HPSE2: variants seen among roughly 807,000 people sequenced by gnomAD.
HPSE2 encodes heparanase 2 (inactive), also known as inactive heparanase-2.
A neutral mutation model predicts 60.5 loss-of-function variants in HPSE2; 38 were observed. That is an observed-to-expected ratio of 0.63 (90% CI 0.48 to 0.82). The LOEUF (loss-of-function observed/expected upper bound fraction) is 0.82. Among genes scored for constraint, HPSE2 ranks in the 40% least tolerant of loss-of-function variants. The probability of loss-of-function intolerance (pLI) is 0.00; values close to 1 mark genes in which losing one functional copy is unlikely to be tolerated. For missense variants in HPSE2, 713 were observed against 740.4 expected (o/e 0.96, Z 0.43); for synonymous variants, 295 against 293.2 (o/e 1.01, Z -0.06).
At chr10:99,218,477 G>A (rs747119570) in intron 2 of HPSE2, among the ~76,000 whole-genome samples, 6 of 151,860 alleles carry the variant, frequency 4.0e-5, no homozygotes, top group African/African-American at 9.7e-5. Context: ...GTTTTCAATC[G>A]TTCTGTTCCA....
At chr10:98,934,039 C>G (rs76483648) in intron 3 of HPSE2, among the ~76,000 whole-genome samples, 1 of 143,328 alleles carries the variant, frequency 7.0e-6, no homozygotes, top group East Asian at 2.0e-4. Flanking sequence ...GCACCTTCTT[C>G]GTCTTTTTTT....
chr10:98,632,969 G>C (rs1201516994), intron 7 of HPSE2, among the ~76,000 whole-genome samples: 3 of 151,986 alleles, frequency 2.0e-5, no homozygotes, highest in Non-Finnish European at 4.4e-5. Flanking sequence ...ATTTACGTCA[G>C]TGGAAGTTAC....
intron 11 of HPSE2, among the ~76,000 whole-genome samples, chr10:98,472,374 C>G (rs896460775): frequency 6.6e-6 from 1 of 152,124 alleles, no homozygotes; most frequent in Admixed American, 6.6e-5. Context: ...ATTCGGTGCT[C>G]TCAGCCTCTG....
chr10:99,257,827 C>T, the HPSE2 span, among the ~76,000 whole-genome samples: 30 of 152,156 alleles, frequency 2.0e-4, no homozygotes, highest in Middle Eastern at 0.014. Context: ...CGGAACCTGC[C>T]GACATGTGAT....
At chr10:99,253,698 A>G in the HPSE2 span, among the ~76,000 whole-genome samples, 1 of 152,196 alleles carries the variant, frequency 6.6e-6, no homozygotes, top group Non-Finnish European at 1.5e-5. Flanking sequence ...AAATATTCAC[A>G]AACTACTCAC....
the HPSE2 span, among the ~76,000 whole-genome samples, chr10:99,260,324 C>T: frequency 1.4e-4 from 22 of 152,050 alleles, no homozygotes; most frequent in East Asian, 7.7e-4. Context: ...CACAGATGCG[C>T]GTGACATTTG....
chr10:98,547,326 A>ACCCATG (rs1943715892), intron 9 of HPSE2, among the ~76,000 whole-genome samples: 1 of 145,552 alleles, frequency 6.9e-6, no homozygotes, highest in South Asian at 2.3e-4. Context: ...AAGGACTATA[A>ACCCATG]ATCATGCTGC....
At chr10:98,926,785 T>C (rs1365117301) in intron 3 of HPSE2, among the ~76,000 whole-genome samples, 2 of 152,196 alleles carry the variant, frequency 1.3e-5, no homozygotes, top group Non-Finnish European at 2.9e-5. Context: ...TCCTTATTTT[T>C]CCCATGCCAG....
chr10:98,496,813 AG>A (rs1941855162), intron 9 of HPSE2, among the ~76,000 whole-genome samples: 1 of 152,170 alleles, frequency 6.6e-6, no homozygotes, highest in African/African-American at 2.4e-5. Context: ...ACAATCCTTT[AG>A]TTGTATACAG....
chr10:99,162,264 A>G (rs533311265), intron 2 of HPSE2, among the ~76,000 whole-genome samples: 1 of 152,368 alleles, frequency 6.6e-6, no homozygotes, highest in Non-Finnish European at 1.5e-5. Context: ...ACAGAGCTAC[A>G]GAGTTTTCTC....
intron 9 of HPSE2, among the ~76,000 whole-genome samples, chr10:98,554,525 T>C (rs1164522589): frequency 2.0e-5 from 3 of 152,204 alleles, no homozygotes; most frequent in Non-Finnish European, 4.4e-5. Context: ...AAGTTCTTTG[T>C]GGTCGGAGAC....
At chr10:99,210,079 G>A (rs1848905231) in intron 2 of HPSE2, among the ~76,000 whole-genome samples, 1 of 152,134 alleles carries the variant, frequency 6.6e-6, no homozygotes. Flanking sequence ...AATTATAAAT[G>A]AAACAGGAGG....
intron 9 of HPSE2, among the ~76,000 whole-genome samples, chr10:98,495,646 C>G (rs761822212): frequency 5.3e-5 from 8 of 152,036 alleles, no homozygotes; most frequent in Non-Finnish European, 1.0e-4. Flanking sequence ...TCTGACTGCT[C>G]CAATTTGCCT....
At chr10:98,664,575 T>C (rs1049383588) in intron 6 of HPSE2, among the ~76,000 whole-genome samples, 1 of 152,098 alleles carries the variant, frequency 6.6e-6, no homozygotes, top group Non-Finnish European at 1.5e-5. Flanking sequence ...CAGAGCACTA[T>C]CGACAATGCG....
chr10:98,855,561 A>G (rs1952293549), intron 3 of HPSE2, among the ~76,000 whole-genome samples: 1 of 152,116 alleles, frequency 6.6e-6, no homozygotes, highest in Admixed American at 6.5e-5. Flanking sequence ...AACCCATTGC[A>G]ACCGTGAAAA....
chr10:99,274,270 C>A, the HPSE2 span, among the ~76,000 whole-genome samples: 4 of 152,160 alleles, frequency 2.6e-5, no homozygotes, highest in African/African-American at 4.8e-5. Flanking sequence ...TCGTTTGAAC[C>A]TGGGAGACGG....
intron 9 of HPSE2, among the ~76,000 whole-genome samples, chr10:98,547,572 G>A (rs1324638346): frequency 7.8e-5 from 11 of 140,526 alleles, no homozygotes; most frequent in African/African-American, 2.1e-4. Flanking sequence ...ACCAAACACC[G>A]CATGTTCTCA....
rs556002061 is a variant in HPSE2, at chr10:98,608,072, CATTTTAT to C, written c.1320+6825_1320+6831del. Among the ~76,000 whole-genome samples, 1,074 of 152,202 alleles carry C rather than the reference CATTTTAT, an allele frequency of 7.1e-3. 8 individuals carry two copies. The highest frequency in any genetic ancestry group is 0.026 in the South Asian group (127 of 4,808). On this transcript the variant is annotated intron_variant, in intron 9 of 11. Transcript: ENST00000370552. Reference sequence around the variant, plus strand: ...CTGAGGTAGACACTATTATTGTCTCCATTTTATGAGAGGAAATTGATATTTATTGATG... The same window carrying C: ...CTGAGGTAGACACTATTATTGTCTCCGAGAGGAAATTGATATTTATTGATG...
chr10:99,018,970 G>C (rs557225713), intron 3 of HPSE2, among the ~76,000 whole-genome samples: 92 of 152,248 alleles, frequency 6.0e-4, no homozygotes, highest in Admixed American at 6.0e-3. Context: ...TCAAAACTAG[G>C]TGCTTCCATG....
Sources: gnomAD v4.1 joint callset for allele counts (sites outside exome capture counted in the v4.1 genomes callset) on GRCh38, gnomAD v4.1.1 for gene constraint, MANE v1.5 for transcripts, NCBI Gene and HGNC (gene_info 2026-07-23, HGNC 2026-07-21) for gene names.